GALNT17: variants seen among roughly 807,000 people sequenced by gnomAD.
The protein encoded by GALNT17 is UDP-GalNAc:polypeptide N-acetylgalactosaminyltransferase-like 3.
GALNT17 carries 29 observed loss-of-function variants against 63.7 expected under a neutral mutation model. The ratio of observed to expected loss-of-function variants is 0.46; its 90% CI spans 0.34 to 0.62. The LOEUF (loss-of-function observed/expected upper bound fraction) is 0.62, where lower values mean the gene tolerates loss of function less well. GALNT17 is among the 20% of genes least tolerant of loss of function. The pLI is 0.01. For missense variants in GALNT17, 603 were observed against 799.6 expected (o/e 0.75, Z 2.97); for synonymous variants, 305 against 318.3 (o/e 0.96, Z 0.45).
chr7:71,575,282 G>C (rs1789517199), intron 6 of GALNT17, among the ~76,000 whole-genome samples: 1 of 152,058 alleles, frequency 6.6e-6, no homozygotes, highest in African/African-American at 2.4e-5. Context: ...TAATTTTCAT[G>C]TAGTGTACAC....
intron 1 of GALNT17, among the ~76,000 whole-genome samples, chr7:71,220,466 A>G (rs1468255515): frequency 6.6e-6 from 1 of 152,188 alleles, no homozygotes; most frequent in African/African-American, 2.4e-5. Flanking sequence ...CATCTTTCTG[A>G]GAACACAGTG....
intron 6 of GALNT17, among the ~76,000 whole-genome samples, chr7:71,584,518 A>C (rs1375802275): frequency 1.3e-5 from 2 of 152,266 alleles, no homozygotes; most frequent in East Asian, 3.9e-4. Flanking sequence ...TTTACAGTGC[A>C]TTGCCAACAT....
rs187680310 is a variant in GALNT17 at position 71,228,921 on chromosome 7, G to A, written c.238+95881G>A. On this transcript the variant is annotated intron_variant, in intron 1 of 10. Transcript: ENST00000333538. ...GTTAGCCCTTTTTTTTTCCCTCCTC[G>A]GCAAAGTACTGATTTGATCCTACCT... Among the ~76,000 whole-genome samples the A allele has an allele frequency of 9.6e-4, 146 of 151,734 alleles. 1 individual carries two copies. Among genetic ancestry groups the A allele is most frequent in the African/African-American group, 2.2e-3 (93 of 41,390 alleles).
rs146814843 is a variant in GALNT17 at position 71,175,902 on chromosome 7, A to G, written c.238+42862A>G. On this transcript the variant is annotated intron_variant, in intron 1 of 10. Transcript: ENST00000333538. ...GACAACAGAGTGAGACACTATCTCA[A>G]AAAAAGAGACAATGTTTATTTTTCT... 6.2e-3 allele frequency among the ~76,000 whole-genome samples: 943 copies of G among 152,218 alleles called. 13 individuals carry two copies. The highest frequency in any genetic ancestry group is 0.02 in the African/African-American group (845 of 41,520).
intron 3 of GALNT17, among the ~76,000 whole-genome samples, chr7:71,402,775 C>T (rs1157841677): frequency 6.7e-6 from 1 of 150,288 alleles, no homozygotes; most frequent in Non-Finnish European, 1.5e-5. Flanking sequence ...TGCTTTTCTT[C>T]TTGGTTTATA....
intron 5 of GALNT17, among the ~76,000 whole-genome samples, chr7:71,561,800 T>C (rs1447411439): frequency 6.6e-6 from 1 of 151,802 alleles, no homozygotes; most frequent in South Asian, 2.1e-4. Flanking sequence ...GCGAGCCACA[T>C]GGTGACAAGC....
intron 1 of GALNT17, among the ~76,000 whole-genome samples, chr7:71,228,004 G>A (rs913528945): frequency 2.0e-5 from 3 of 152,082 alleles, no homozygotes; most frequent in African/African-American, 4.8e-5. Context: ...AATTCAGCCC[G>A]ATAGAGGAGG....
intron 1 of GALNT17, among the ~76,000 whole-genome samples, chr7:71,222,440 C>T (rs1409260062): frequency 2.0e-5 from 3 of 151,736 alleles, no homozygotes; most frequent in East Asian, 1.9e-4. Context: ...TTACAGGTGT[C>T]CGCACCACGC....
chr7:71,561,102 TC>T (rs1789248763), intron 5 of GALNT17, among the ~76,000 whole-genome samples: 1 of 152,066 alleles, frequency 6.6e-6, no homozygotes, highest in Non-Finnish European at 1.5e-5. Flanking sequence ...AACCTCCACC[TC>T]CCGGGTTCAA....
chr7:71,638,347 T>C (rs1381527481), intron 6 of GALNT17, among the ~76,000 whole-genome samples: 1 of 152,174 alleles, frequency 6.6e-6, no homozygotes, highest in East Asian at 1.9e-4. Context: ...ACACCTAGCC[T>C]CCTGGGAATG....
At chr7:71,151,171 C>T (rs923580371) in intron 1 of GALNT17, among the ~76,000 whole-genome samples, 5 of 152,152 alleles carry the variant, frequency 3.3e-5, no homozygotes, top group Non-Finnish European at 5.9e-5. Context: ...ACCTAAGTGA[C>T]AGGCCAGGCT....
chr7:71,162,152 C>CCTTCCTTT (rs1310326989), intron 1 of GALNT17, among the ~76,000 whole-genome samples: 131 of 137,610 alleles, frequency 9.5e-4, no homozygotes, highest in African/African-American at 3.1e-3. Context: ...TTCCTTCCTT[C>CCTTCCTTT]CTTCCTTCCT....
intron 6 of GALNT17, among the ~76,000 whole-genome samples, chr7:71,608,260 T>C (rs1213652797): frequency 6.6e-6 from 1 of 152,074 alleles, no homozygotes; most frequent in African/African-American, 2.4e-5. Flanking sequence ...TGGAGACTCA[T>C]GGGCCAGTTT....
chr7:71,250,957 A>G (rs1482607128), intron 1 of GALNT17, among the ~76,000 whole-genome samples: 1 of 152,218 alleles, frequency 6.6e-6, no homozygotes, highest in Non-Finnish European at 1.5e-5. Flanking sequence ...GTTTTTGTGT[A>G]ATAGTCCTGC....
chr7:71,447,391 A>C (rs960907785), intron 5 of GALNT17, among the ~76,000 whole-genome samples: 1 of 152,124 alleles, frequency 6.6e-6, no homozygotes, highest in Admixed American at 6.5e-5. Flanking sequence ...CCAAAATCCA[A>C]CTTTTTGAGT....
intron 5 of GALNT17, among the ~76,000 whole-genome samples, chr7:71,427,253 T>A (rs1045290164): frequency 1.3e-4 from 19 of 151,438 alleles, no homozygotes; most frequent in African/African-American, 4.4e-4. Flanking sequence ...CTTTTATTTT[T>A]ATTTTAATTT....
chr7:71,270,163 A>G (rs1233067278), intron 1 of GALNT17, among the ~76,000 whole-genome samples: 1 of 152,164 alleles, frequency 6.6e-6, no homozygotes, highest in East Asian at 1.9e-4. Context: ...AAGCACAGAG[A>G]GATTGAGAAA....
chr7:71,246,484 G>A (rs1260335211), intron 1 of GALNT17, among the ~76,000 whole-genome samples: 1 of 149,926 alleles, frequency 6.7e-6, no homozygotes. Context: ...GAATGGAATG[G>A]TCATTTAAAT....
chr7:71,331,963 C>T lies in GALNT17; in HGVS notation c.239-3587C>T, dbSNP rs115128930. Among the ~76,000 whole-genome samples, 846 of 152,268 alleles carry T rather than the reference C, an allele frequency of 5.6e-3. 9 individuals carry two copies. Among genetic ancestry groups the T allele is most frequent in the African/African-American group, 0.019 (805 of 41,560 alleles). ...CCACACTTCAGATCTTGTTACTTTC[C>T]TTCTTTATTTGTCACTTATAGATAA... is the stretch of plus-strand genomic sequence containing the variant. On this transcript the variant is annotated intron_variant, in intron 1 of 10. Coordinates refer to ENST00000333538, the MANE Select transcript of GALNT17 (RefSeq NM_022479.3).
Sources: allele counts gnomAD v4.1 joint callset (sites outside exome capture counted in the v4.1 genomes callset), GRCh38; gene constraint gnomAD v4.1.1; transcripts MANE v1.5; gene names NCBI Gene and HGNC (gene_info 2026-07-23, HGNC 2026-07-21).